Variants in ZC3H7A observed in about 807,000 individuals in gnomAD.
ZC3H7A encodes zinc finger CCCH domain-containing protein 7A.
ZC3H7A carries 44 observed loss-of-function variants against 125.5 expected under a neutral mutation model. That is an observed-to-expected ratio of 0.35 (90% confidence interval 0.28 to 0.45). The LOEUF (loss-of-function observed/expected upper bound fraction) is 0.45, where lower values mean the gene tolerates loss of function less well. Among genes scored for constraint, ZC3H7A ranks in the 20% least tolerant of loss-of-function variants. The probability of loss-of-function intolerance (pLI) is 1.00; values close to 1 mark genes in which losing one functional copy is unlikely to be tolerated. For missense variants in ZC3H7A, 977 were observed against 1,170.7 expected (o/e 0.83, Z 2.41); for synonymous variants, 399 against 391.2 (o/e 1.02, Z -0.23).
chr16:11,778,454 A>C (rs1238892282), intron 4 of ZC3H7A, among the ~76,000 whole-genome samples: 2 of 151,464 alleles, frequency 1.3e-5, no homozygotes, highest in Non-Finnish European at 2.9e-5. Flanking sequence ...AAAAAAAAAA[A>C]AAAAACACTC....
intron 19 of ZC3H7A, among the ~76,000 whole-genome samples, chr16:11,760,646 C>G (rs575173006): frequency 6.6e-6 from 1 of 152,334 alleles, no homozygotes; most frequent in African/African-American, 2.4e-5. Flanking sequence ...ACATTTCCTC[C>G]ATCCAGGTAG....
chr16:11,761,769 C>G, intron 18 of ZC3H7A, 141 bp downstream of exon 18: 4 of 1,204,946 alleles, frequency 3.3e-6, no homozygotes, highest in Non-Finnish European at 4.6e-6. Context: ...AAAATCTCTT[C>G]CCTTGTGTCT....
At position 11,792,748 on chromosome 16, in the gene ZC3H7A, G is replaced by C. The variant is rs1364192774; in HGVS notation, c.-35+4376C>G. The stretch of plus-strand genomic sequence containing the variant: ...GTAGCAGAGCTCAATTTCAAAGGCA[G>C]ACAGCCTGGCTCCAAGCCTGAGAGC... On this transcript the variant is annotated intron_variant, in intron 1 of 22. Coordinates refer to ENST00000355758, the MANE Select transcript of ZC3H7A (RefSeq NM_014153.4). Among the ~76,000 whole-genome samples, 6 of 152,218 alleles carry C rather than the reference G, an allele frequency of 3.9e-5. No individual in the cohort carries two copies. In the East Asian group the frequency reaches 1.2e-3, roughly 29 times the overall value.
At chr16:11,788,430 T>C (rs1053826908) in intron 1 of ZC3H7A, among the ~76,000 whole-genome samples, 1 of 152,172 alleles carries the variant, frequency 6.6e-6, no homozygotes, top group Non-Finnish European at 1.5e-5. Flanking sequence ...CAGTTCCATT[T>C]GAATTTCTCA....
chr16:11,757,483 CAAAAAAAA>C (rs61471026), intron 20 of ZC3H7A, among the ~76,000 whole-genome samples: 9 of 40,982 alleles, frequency 2.2e-4, no homozygotes, highest in African/African-American at 7.7e-4. Flanking sequence ...GACTCTGTCT[CAAAAAAAA>C]AAAAAAAAAA....
At chr16:11,763,680 T>C (rs750489811) in intron 15 of ZC3H7A, 21 bp from the exon 16 acceptor site, 10 of 1,415,134 alleles carry the variant, frequency 7.1e-6, no homozygotes, top group Admixed American at 2.2e-5. Flanking sequence ...AACAGTGACA[T>C]TTTAATATTG....
At position 11,770,450 on chromosome 16, in the gene ZC3H7A, G is replaced by A. The variant is rs149889313; in HGVS notation, c.1108+333C>T. ...AGATCAGAATTTAATAGCATAGCCT[G>A]TCTCTCAGACCCTTTAAGATGAGAT... is the stretch of plus-strand genomic sequence containing the variant. On this transcript the variant is annotated intron_variant, in intron 10 of 22. Transcript: ENST00000355758. Among the ~76,000 whole-genome samples the A allele has an allele frequency of 1.8e-3, 269 of 152,230 alleles. 2 individuals are homozygous for A. The Middle Eastern group carries it at 0.027, about 16-fold the overall frequency.
At chr16:11,772,033 A>C (rs1453696064) in intron 9 of ZC3H7A, among the ~76,000 whole-genome samples, 2 of 151,864 alleles carry the variant, frequency 1.3e-5, no homozygotes, top group East Asian at 3.9e-4. Context: ...TCTCTACTAA[A>C]AATACACAAA....
chr16:11,760,658 G>C (rs1449688273), intron 19 of ZC3H7A, among the ~76,000 whole-genome samples: 3 of 152,196 alleles, frequency 2.0e-5, no homozygotes, highest in Non-Finnish European at 4.4e-5. Flanking sequence ...TCCAGGTAGA[G>C]AGCTTACTAC....
chr16:11,764,030 G>A (rs897092897), intron 15 of ZC3H7A, among the ~76,000 whole-genome samples: 2 of 151,564 alleles, frequency 1.3e-5, no homozygotes, highest in African/African-American at 2.4e-5. Context: ...TCCTGACCTC[G>A]TGATCCGCCT....
chr16:11,788,576 G>A (rs545086354), intron 1 of ZC3H7A, among the ~76,000 whole-genome samples: 3 of 151,298 alleles, frequency 2.0e-5, no homozygotes, highest in Non-Finnish European at 4.4e-5. Flanking sequence ...ACCAGTCTCA[G>A]AAAAGTCCAG....
intron 21 of ZC3H7A, chr16:11,753,938 C>G (rs897520119): frequency 1.5e-4 from 23 of 152,548 alleles, no homozygotes; most frequent in African/African-American, 4.8e-4. Context: ...GCATGAACCA[C>G]CATGCCCGGC....
chr16:11,757,393 A>G (rs1449050470), intron 20 of ZC3H7A, among the ~76,000 whole-genome samples: 1 of 147,348 alleles, frequency 6.8e-6, no homozygotes, highest in African/African-American at 2.5e-5. Context: ...CTGAGGCAGG[A>G]GAATGGTGTG....
chr16:11,780,122 C>CT (rs2053151033), intron 3 of ZC3H7A, among the ~76,000 whole-genome samples: 1 of 138,610 alleles, frequency 7.2e-6, no homozygotes, highest in South Asian at 2.3e-4. Flanking sequence ...TCTTTTTTTT[C>CT]TTTTCTTTTT....
intron 9 of ZC3H7A, among the ~76,000 whole-genome samples, chr16:11,772,020 C>T (rs550620592): frequency 6.6e-6 from 1 of 151,778 alleles, no homozygotes; most frequent in African/African-American, 2.4e-5. Flanking sequence ...TGGTGAAACC[C>T]CGTCTCTACT....
chr16:11,776,942 A>T (rs955691479), intron 4 of ZC3H7A, 33 bp from the exon 5 acceptor site: 2 of 1,519,194 alleles, frequency 1.3e-6, no homozygotes, highest in African/African-American at 2.8e-5. Flanking sequence ...AAAGTCAGCA[A>T]TCAAACAATT....
rs961309535 is a variant in ZC3H7A, at chr16:11,782,315, T to A, written c.40A>T (p.Asn14Tyr). The change falls in exon 2 of 23, where the codon AAC becomes TAC. Residue 14 changes from asparagine (N) to tyrosine (Y), a missense_variant. Asn to Tyr is a moderately radical substitution (Grantham distance 143). Coordinates refer to ENST00000355758, the MANE Select transcript of ZC3H7A (RefSeq NM_014153.4). The stretch of plus-strand genomic sequence containing the variant: ...ATAAACTGCAGTCCTTCCTTAATGT[T>A]CTGCTGCCTTTTTCTTCTCTCCTCG... ...VSEERRKRQQ[N>Y]IKEGLQFIQS... The A allele has an allele frequency of 6.2e-7, 1 of 1,614,198 alleles. No individual in the cohort carries two copies. The highest frequency in any genetic ancestry group is 8.5e-7 in the Non-Finnish European group (1 of 1,180,038).
At position 11,779,361 on chromosome 16, in the gene ZC3H7A, T is replaced by C. The variant is rs751974313; in HGVS notation, c.111A>G (p.Val37=). ...GATTTCTCACGAGAGCACGCAAATATACCTAAAAAAAAGAAAGTTACCACT... is the reference window on the plus strand; with the variant it reads ...GATTTCTCACGAGAGCACGCAAATACACCTAAAAAAAAGAAAGTTACCACT... ...SYPGTQEQYA[V]YLRALVRNLF... The change falls in exon 4 of 23, where the codon GTA becomes GTG. Residue 37 remains valine, a splice_region_variant and synonymous_variant. Transcript: ENST00000355758. The C allele has an allele frequency of 6.8e-6, 11 of 1,606,138 alleles. No individual in the cohort carries two copies. The highest frequency in any genetic ancestry group is 9.3e-6 in the Non-Finnish European group (11 of 1,178,052).
intron 20 of ZC3H7A, among the ~76,000 whole-genome samples, chr16:11,758,198 A>G (rs1207807437): frequency 6.6e-6 from 1 of 152,208 alleles, no homozygotes; most frequent in African/African-American, 2.4e-5. Flanking sequence ...GCAGACCTAT[A>G]TATTTATATC....
Sources: allele counts gnomAD v4.1 joint callset (sites outside exome capture counted in the v4.1 genomes callset), GRCh38; gene constraint gnomAD v4.1.1; transcripts MANE v1.5; gene names NCBI Gene and HGNC (gene_info 2026-07-23, HGNC 2026-07-21).